HIKESHI: variants seen among roughly 807,000 people sequenced by gnomAD.
The protein encoded by HIKESHI is heat shock protein nuclear import factor hikeshi, also known as protein Hikeshi.
HIKESHI carries 13 observed loss-of-function variants against 25.7 expected under a neutral mutation model. The ratio of observed to expected loss-of-function variants is 0.51; its 90% CI spans 0.33 to 0.80. The LOEUF (loss-of-function observed/expected upper bound fraction) is 0.80. Ranked by LOEUF, HIKESHI falls within the 30% of genes least tolerant of loss-of-function variation. The probability of loss-of-function intolerance (pLI) is 0.02; values close to 1 mark genes in which losing one functional copy is unlikely to be tolerated. For synonymous variants in HIKESHI, 76 were observed against 78.7 expected (o/e 0.97, Z 0.18); for missense variants, 174 against 229.5 (o/e 0.76, Z 1.56).
chr11:86,319,828 T>C (rs553375957), intron 2 of HIKESHI, among the ~76,000 whole-genome samples: 2 of 152,298 alleles, frequency 1.3e-5, no homozygotes, highest in South Asian at 4.1e-4. Context: ...GGTGGTGGTG[T>C]GTTTTTCCAC....
At chr11:86,320,316 G>A (rs755445643) in intron 2 of HIKESHI, among the ~76,000 whole-genome samples, 5 of 152,174 alleles carry the variant, frequency 3.3e-5, no homozygotes, top group African/African-American at 4.8e-5. Context: ...GGTGGCTCAC[G>A]CCTGTAATCC....
intron 2 of HIKESHI, among the ~76,000 whole-genome samples, chr11:86,309,882 G>C (rs1946786938): frequency 1.3e-5 from 2 of 152,164 alleles, no homozygotes; most frequent in Non-Finnish European, 2.9e-5. Flanking sequence ...GATGGTTGTA[G>C]ATGTGTGGTA....
chr11:86,328,012 A>G (rs1201986760), intron 2 of HIKESHI, among the ~76,000 whole-genome samples: 3 of 152,214 alleles, frequency 2.0e-5, no homozygotes, highest in African/African-American at 7.2e-5. Context: ...ACTTCGTACT[A>G]CATGAAAAAC....
At chr11:86,306,215 T>C (rs766454477) in intron 1 of HIKESHI, 30 bp from the exon 2 acceptor site, 4 of 1,465,748 alleles carry the variant, frequency 2.7e-6, no homozygotes, top group Non-Finnish European at 3.8e-6. Context: ...CATAGAACCA[T>C]TGAACTGAGA....
Position 86,308,355 on chromosome 11 carries a change from A to G in HIKESHI, c.268+1873A>G, listed in dbSNP as rs952739322. Among the ~76,000 whole-genome samples, 2 of 133,836 alleles carry G rather than the reference A, an allele frequency of 1.5e-5. 1 individual carries two copies. Among genetic ancestry groups the G allele is most frequent in the African/African-American group, 5.6e-5 (2 of 35,564 alleles). The allele number at this position is 133,836 out of a possible 152,430, so 87.8% of individuals were successfully genotyped here. A position where few individuals can be genotyped will look rare whatever the true frequency, so the allele number is the denominator to read the frequency against. ...ATAAAATATATATTATATAAAATAT[A>G]TATTACATATAAAATGTGTATTATA... On this transcript the variant is annotated intron_variant, in intron 2 of 4. Transcript: ENST00000278483.
intron 1 of HIKESHI, 26 bp from the exon 2 acceptor site, chr11:86,306,219 A>G: frequency 6.6e-7 from 1 of 1,504,022 alleles, no homozygotes; most frequent in South Asian, 1.1e-5. Context: ...GAACCATTGA[A>G]CTGAGACAAG....
intron 2 of HIKESHI, among the ~76,000 whole-genome samples, chr11:86,329,218 A>G (rs1377246766): frequency 6.6e-6 from 1 of 150,604 alleles, no homozygotes; most frequent in African/African-American, 2.4e-5. Flanking sequence ...AGAAACGGTG[A>G]TCTGGAGGAT....
chr11:86,327,496 A>G (rs760621676), intron 2 of HIKESHI, among the ~76,000 whole-genome samples: 7 of 152,018 alleles, frequency 4.6e-5, no homozygotes, highest in Non-Finnish European at 8.8e-5. Flanking sequence ...TTGTATTTTT[A>G]GTAGAGACGG....
chr11:86,335,662 T>C (rs1000117490), intron 2 of HIKESHI, among the ~76,000 whole-genome samples: 1 of 152,182 alleles, frequency 6.6e-6, no homozygotes, highest in Admixed American at 6.5e-5. Context: ...TTAAGGAAAT[T>C]TCTTTCTAAT....
intron 1 of HIKESHI, among the ~76,000 whole-genome samples, chr11:86,302,755 G>A (rs892489192): frequency 6.6e-6 from 1 of 152,200 alleles, no homozygotes; most frequent in Non-Finnish European, 1.5e-5. Flanking sequence ...TGGTCACTCA[G>A]CCTTATGTGT....
At chr11:86,333,298 G>T (rs1947467957) in intron 2 of HIKESHI, among the ~76,000 whole-genome samples, 1 of 152,134 alleles carries the variant, frequency 6.6e-6, no homozygotes, top group South Asian at 2.1e-4. Flanking sequence ...CACTTTGGGA[G>T]GCCGAGATGG....
intron 2 of HIKESHI, among the ~76,000 whole-genome samples, chr11:86,327,037 G>C (rs540213053): frequency 1.3e-5 from 2 of 152,232 alleles, no homozygotes; most frequent in African/African-American, 4.8e-5. Flanking sequence ...ACTGGCGTGG[G>C]TCAACATAGT....
chr11:86,311,002 G>A (rs1321218276), intron 2 of HIKESHI, among the ~76,000 whole-genome samples: 1 of 152,130 alleles, frequency 6.6e-6, no homozygotes, highest in Non-Finnish European at 1.5e-5. Context: ...ATGTTCATCA[G>A]GGTTATTGGT....
At position 86,302,273 on chromosome 11, in the gene HIKESHI, G is replaced by C; in HGVS notation, c.-176G>C. 1 of 698,400 alleles carries C rather than the reference G, an allele frequency of 1.4e-6. No individual in the cohort carries two copies. The highest frequency in any genetic ancestry group is 2.5e-6 in the Non-Finnish European group (1 of 398,656). The allele number at this position is 698,400 out of a possible 1,614,324, so 43.3% of individuals were successfully genotyped here. A position where few individuals can be genotyped will look rare whatever the true frequency, so the allele number is the denominator to read the frequency against. ...AGCAGTGGGCTGCTTAGGAAGAGAA[G>C]GTCAGAGTTCGCGGGGGCAGAGGCA... On this transcript the variant is annotated 5_prime_UTR_variant, in exon 1 of 5. Transcript: ENST00000278483.
intron 4 of HIKESHI, chr11:86,345,149 G>A: frequency 1.9e-6 from 2 of 1,041,404 alleles, no homozygotes; most frequent in South Asian, 8.5e-5. Flanking sequence ...GGAAGAGTTT[G>A]TTGAGAAGTG....
chr11:86,323,449 C>T (rs549871460), intron 2 of HIKESHI, among the ~76,000 whole-genome samples: 1 of 152,164 alleles, frequency 6.6e-6, no homozygotes, highest in African/African-American at 2.4e-5. Context: ...AATTTGTACC[C>T]AGAGTACATT....
At chr11:86,334,751 C>T (rs1357548136) in intron 2 of HIKESHI, among the ~76,000 whole-genome samples, 8 of 152,128 alleles carry the variant, frequency 5.3e-5, no homozygotes, top group Admixed American at 2.6e-4. Flanking sequence ...TAGGCCTAAG[C>T]GATCCTCCCA....
chr11:86,338,162 C>T (rs1422385716), intron 3 of HIKESHI, among the ~76,000 whole-genome samples: 1 of 152,144 alleles, frequency 6.6e-6, no homozygotes, highest in Non-Finnish European at 1.5e-5. Flanking sequence ...CTTTGACCAA[C>T]ATGTCCTCAT....
chr11:86,331,982 C>CG, intron 2 of HIKESHI, among the ~76,000 whole-genome samples: 1 of 129,520 alleles, frequency 7.7e-6, no homozygotes, highest in South Asian at 2.5e-4. Context: ...GTTTTCTTTT[C>CG]TTTTTTTTTT....
Sources: allele counts gnomAD v4.1 joint callset (sites outside exome capture counted in the v4.1 genomes callset), GRCh38; gene constraint gnomAD v4.1.1; transcripts MANE v1.5; gene names NCBI Gene and HGNC (gene_info 2026-07-23, HGNC 2026-07-21).